The following MARCHF1 variants were observed in gnomAD, a reference collection of about 807,000 sequenced individuals.
MARCHF1 encodes E3 ubiquitin-protein ligase MARCHF1.
In MARCHF1, 40 loss-of-function variants were observed where a neutral mutation model predicts 54.2. The observed-to-expected ratio is 0.74, with a 90% CI of 0.57 to 0.96. The LOEUF (loss-of-function observed/expected upper bound fraction) is 0.96. Ranked by LOEUF, MARCHF1 falls within the 40% of genes least tolerant of loss-of-function variation. The pLI is 0.00. For synonymous variants in MARCHF1, 236 were observed against 236.3 expected (o/e 1.00, Z 0.01); for missense variants, 586 against 656.5 (o/e 0.89, Z 1.17).
chr4:163,733,197 A>ATACATACACATG (rs776038809), intron 4 of MARCHF1, among the ~76,000 whole-genome samples: 1 of 32,318 alleles, frequency 3.1e-5, no homozygotes, highest in African/African-American at 9.2e-5. Context: ...ATATATATAT[A>ATACATACACATG]TATATATATA....
intron 1 of MARCHF1, among the ~76,000 whole-genome samples, chr4:164,335,462 G>A (rs1729706112): frequency 6.6e-6 from 1 of 151,918 alleles, no homozygotes; most frequent in South Asian, 2.1e-4. Context: ...TGCGCCTATA[G>A]TCCCAGCTAC....
At chr4:164,269,374 C>T (rs1312933013) in intron 1 of MARCHF1, among the ~76,000 whole-genome samples, 1 of 151,888 alleles carries the variant, frequency 6.6e-6, no homozygotes, top group African/African-American at 2.4e-5. Flanking sequence ...CTAGCAATGG[C>T]TGTTTCTGCC....
At chr4:163,685,039 T>TTG (rs1744223772) in intron 5 of MARCHF1, among the ~76,000 whole-genome samples, 1 of 132,412 alleles carries the variant, frequency 7.6e-6, no homozygotes, top group Non-Finnish European at 1.8e-5. Context: ...TTGTGTACAT[T>TTG]TATTTTGTTA....
intron 4 of MARCHF1, among the ~76,000 whole-genome samples, chr4:163,722,146 T>A (rs999527427): frequency 2.6e-5 from 4 of 152,158 alleles, no homozygotes; most frequent in South Asian, 4.1e-4. Context: ...AGATCTTTCC[T>A]GCTTTCTCTT....
chr4:163,764,506 A>T (rs1011165180), intron 4 of MARCHF1, among the ~76,000 whole-genome samples: 1 of 152,084 alleles, frequency 6.6e-6, no homozygotes, highest in Non-Finnish European at 1.5e-5. Context: ...ATCAAAGAAC[A>T]TCATAAAACA....
chr4:164,341,755 T>G (rs755845702), intron 1 of MARCHF1, among the ~76,000 whole-genome samples: 6 of 152,198 alleles, frequency 3.9e-5, no homozygotes, highest in Non-Finnish European at 8.8e-5. Flanking sequence ...CACATCCTAA[T>G]ACATACCATC....
intron 1 of MARCHF1, among the ~76,000 whole-genome samples, chr4:164,115,431 G>T (rs2110747960): frequency 6.6e-6 from 1 of 152,176 alleles, no homozygotes; most frequent in East Asian, 1.9e-4. Flanking sequence ...AGGCAAATGT[G>T]TTCAGAAGAT....
At chr4:164,321,795 G>A (rs1735148875) in intron 1 of MARCHF1, among the ~76,000 whole-genome samples, 1 of 151,950 alleles carries the variant, frequency 6.6e-6, no homozygotes, top group Non-Finnish European at 1.5e-5. Flanking sequence ...ATAAATAATG[G>A]CAATCAATGG....
At chr4:163,642,050 A>C (rs1318643326) in intron 5 of MARCHF1, among the ~76,000 whole-genome samples, 1 of 152,172 alleles carries the variant, frequency 6.6e-6, no homozygotes, top group Non-Finnish European at 1.5e-5. Flanking sequence ...CAGTGATCGT[A>C]TTGTTTAGGC....
At chr4:163,829,513 C>T (rs1006967305) in intron 4 of MARCHF1, among the ~76,000 whole-genome samples, 3 of 152,216 alleles carry the variant, frequency 2.0e-5, no homozygotes, top group African/African-American at 4.8e-5. Flanking sequence ...GAGCAAGAAA[C>T]GTCAAAATTC....
At chr4:163,567,643 G>C (rs1054414202) in intron 8 of MARCHF1, among the ~76,000 whole-genome samples, 1 of 152,114 alleles carries the variant, frequency 6.6e-6, no homozygotes, top group African/African-American at 2.4e-5. Flanking sequence ...CCTTGCACAA[G>C]TTCTCTTCTC....
At chr4:163,630,516 A>G (rs1742036326) in intron 5 of MARCHF1, among the ~76,000 whole-genome samples, 1 of 152,202 alleles carries the variant, frequency 6.6e-6, no homozygotes, top group Non-Finnish European at 1.5e-5. Context: ...AGTTTTAATC[A>G]AAACTCATTG....
chr4:163,865,405 C>T (rs1750026381), intron 3 of MARCHF1, among the ~76,000 whole-genome samples: 1 of 151,824 alleles, frequency 6.6e-6, no homozygotes, highest in Admixed American at 6.6e-5. Flanking sequence ...GATTTAAGTT[C>T]TGATTGTAAT....
intron 1 of MARCHF1, among the ~76,000 whole-genome samples, chr4:164,165,668 A>G (rs558405570): frequency 6.6e-6 from 1 of 152,126 alleles, no homozygotes; most frequent in African/African-American, 2.4e-5. Context: ...CCTCTTGTAG[A>G]GCAAAAACAC....
intron 2 of MARCHF1, among the ~76,000 whole-genome samples, chr4:164,018,138 G>T (rs1476817678): frequency 6.6e-6 from 1 of 151,640 alleles, no homozygotes; most frequent in East Asian, 1.9e-4. Flanking sequence ...TGCTTCACAC[G>T]ATAAACAAAA....
intron 1 of MARCHF1, among the ~76,000 whole-genome samples, chr4:164,204,629 G>A (rs1278727744): frequency 6.6e-6 from 1 of 152,184 alleles, no homozygotes; most frequent in African/African-American, 2.4e-5. Flanking sequence ...AAATATGCAA[G>A]AAGCTCCTCT....
At chr4:164,279,747 G>C (rs2096900354) in intron 1 of MARCHF1, among the ~76,000 whole-genome samples, 2 of 82,004 alleles carry the variant, frequency 2.4e-5, no homozygotes, top group South Asian at 7.3e-4. Flanking sequence ...AAATGTATGT[G>C]TAAAATGTAA....
rs180965558 is a variant in MARCHF1, at chr4:164,019,488, A to G, written c.-247-30779T>C. 2.9e-3 allele frequency among the ~76,000 whole-genome samples: 442 copies of G among 152,266 alleles called. 7 individuals are homozygous for G. The highest frequency in any genetic ancestry group is 6.2e-4 in the Non-Finnish European group (42 of 68,016). On this transcript the variant is annotated intron_variant, in intron 2 of 9. Transcript: ENST00000514618. ...GCTCTCTTGTCTGTGAGCAGATGGA[A>G]AACCCCATTGTTGAGGGAAATAGAA...
chr4:163,647,063 G>A (rs1229063354), intron 5 of MARCHF1, among the ~76,000 whole-genome samples: 2 of 152,028 alleles, frequency 1.3e-5, no homozygotes, highest in Non-Finnish European at 2.9e-5. Context: ...GAAGGGATGG[G>A]AAAAGATATT....
Sources: gnomAD v4.1 joint callset for allele counts (sites outside exome capture counted in the v4.1 genomes callset) on GRCh38, gnomAD v4.1.1 for gene constraint, MANE v1.5 for transcripts, NCBI Gene and HGNC (gene_info 2026-07-23, HGNC 2026-07-21) for gene names.